Variants in PEX7 observed in about 807,000 individuals in gnomAD.
The protein encoded by PEX7 is PTS2 receptor.
In PEX7, 34 loss-of-function variants were observed where a neutral mutation model predicts 47.5. That is an observed-to-expected ratio of 0.72 (90% confidence interval 0.54 to 0.95). The LOEUF (loss-of-function observed/expected upper bound fraction) is 0.95. PEX7 is among the 40% of genes least tolerant of loss of function. PEX7 has a pLI of 0.00. For synonymous variants in PEX7, 141 were observed against 148.8 expected, an observed-to-expected ratio of 0.95 and a Z score of 0.38; for missense variants, 394 against 400.3, an observed-to-expected ratio of 0.98 and a Z score of 0.13.
intron 9 of PEX7, among the ~76,000 whole-genome samples, chr6:136,899,080 CTTTTTTTTTTT>C (rs71547049): frequency 3.6e-5 from 4 of 111,978 alleles, no homozygotes; most frequent in African/African-American, 1.3e-4. Context: ...TTTTTCTTTT[CTTTTTTTTTTT>C]TTTTTTTGAG....
intron 3 of PEX7, among the ~76,000 whole-genome samples, chr6:136,827,430 A>G (rs2115133815): frequency 6.6e-6 from 1 of 152,246 alleles, no homozygotes; most frequent in South Asian, 2.1e-4. Flanking sequence ...TTTTAGTTTC[A>G]GGATAATCAA....
chr6:136,859,066 C>A (rs538424930), intron 5 of PEX7, among the ~76,000 whole-genome samples: 1 of 152,172 alleles, frequency 6.6e-6, no homozygotes, highest in Admixed American at 6.5e-5. Flanking sequence ...TATCTTTCAA[C>A]AGATTACAAC....
intron 8 of PEX7, among the ~76,000 whole-genome samples, chr6:136,897,352 A>G (rs1775669738): frequency 6.6e-6 from 1 of 152,210 alleles, no homozygotes; most frequent in African/African-American, 2.4e-5. Context: ...GAATCAAATA[A>G]AAAAGATGAT....
intron 9 of PEX7, among the ~76,000 whole-genome samples, chr6:136,906,494 G>A (rs1420577148): frequency 6.6e-6 from 1 of 152,044 alleles, no homozygotes; most frequent in African/African-American, 2.4e-5. Flanking sequence ...ATGTGTGTGT[G>A]TGCATGTGTG....
Position 136,879,998 on chromosome 6 carries a change from C to T in PEX7, c.803+7745C>T, listed in dbSNP as rs1582766843. Among the ~76,000 whole-genome samples the T allele has an allele frequency of 5.3e-5, 8 of 152,092 alleles. 1 individual carries two copies. Among genetic ancestry groups the T allele is most frequent in the Admixed American group, 5.3e-4 (8 of 15,232 alleles). On this transcript the variant is annotated intron_variant, in intron 8 of 9. Coordinates refer to ENST00000318471, the MANE Select transcript of PEX7 (RefSeq NM_000288.4). Reference sequence around the variant, plus strand: ...GTTTCAGTTCTTCTGTTTTTGTCCACTTCTTTTCTTTGTTTTTGAGTTCCT... The same window carrying T: ...GTTTCAGTTCTTCTGTTTTTGTCCATTTCTTTTCTTTGTTTTTGAGTTCCT...
chr6:136,893,893 A>C (rs1238810695), intron 8 of PEX7, among the ~76,000 whole-genome samples: 1 of 152,268 alleles, frequency 6.6e-6, no homozygotes, highest in African/African-American at 2.4e-5. Flanking sequence ...ACTTTAAAAA[A>C]ATATTTTAAA....
chr6:136,894,943 C>T (rs981247586), intron 8 of PEX7, among the ~76,000 whole-genome samples: 1 of 152,168 alleles, frequency 6.6e-6, no homozygotes, highest in African/African-American at 2.4e-5. Flanking sequence ...AGTATGACTT[C>T]TTGCAGCAAA....
At chr6:136,861,173 C>T (rs1260937210) in intron 5 of PEX7, among the ~76,000 whole-genome samples, 1 of 152,124 alleles carries the variant, frequency 6.6e-6, no homozygotes, top group Non-Finnish European at 1.5e-5. Context: ...TAGCCTCTGC[C>T]TCCTAGGCTC....
rs121909154 is a variant in PEX7, at chr6:136,845,620, T to G, written c.345T>G (p.Tyr115Ter). The G allele has an allele frequency of 1.9e-5, 30 of 1,593,286 alleles. No individual in the cohort carries two copies. The highest frequency in any genetic ancestry group is 2.4e-5 in the Non-Finnish European group (28 of 1,161,132). The change falls in exon 4 of 10, where the codon TAT becomes TAG. Residue 115 changes from tyrosine (Y) to a stop codon, truncating the protein, a stop_gained. Coordinates refer to ENST00000318471, the MANE Select transcript of PEX7 (RefSeq NM_000288.4). LOFTEE classifies it high-confidence loss of function. ...QVYKEHAQEVYSVDWSQTRGE... is the reference protein window; with the variant it reads ...QVYKEHAQEV ...ACACTTTTCAATGTTTTTAGGTGTA[T>G]AGTGTTGATTGGAGCCAAACCAGAG...
chr6:136,859,395 G>A (rs934362262), intron 5 of PEX7, among the ~76,000 whole-genome samples: 2 of 151,934 alleles, frequency 1.3e-5, no homozygotes, highest in Admixed American at 1.3e-4. Context: ...TTAATATGAA[G>A]TAAATTATCT....
At chr6:136,880,070 T>G (rs1486332790) in intron 8 of PEX7, among the ~76,000 whole-genome samples, 1 of 152,198 alleles carries the variant, frequency 6.6e-6, no homozygotes, top group Non-Finnish European at 1.5e-5. Context: ...CCTAAATGCT[T>G]GCTTGAAGAT....
At chr6:136,846,607 C>G (rs4560664) in intron 5 of PEX7, among the ~76,000 whole-genome samples, 90,000 of 151,718 alleles carry the variant, frequency 0.59, 26,683 homozygotes, top group South Asian at 0.61. Flanking sequence ...GGTTTTCTGT[C>G]CTTGGAATAG....
intron 9 of PEX7, among the ~76,000 whole-genome samples, chr6:136,908,652 A>G (rs1241686112): frequency 6.6e-6 from 1 of 152,096 alleles, no homozygotes; most frequent in Non-Finnish European, 1.5e-5. Context: ...ATGCACACTC[A>G]TACTGTAAGG....
chr6:136,902,827 A>G (rs767222822), intron 9 of PEX7, among the ~76,000 whole-genome samples: 1 of 152,156 alleles, frequency 6.6e-6, no homozygotes, highest in Non-Finnish European at 1.5e-5. Flanking sequence ...GCTGGATACA[A>G]GTTTACATAT....
At chr6:136,864,003 C>T (rs1775012352) in intron 5 of PEX7, among the ~76,000 whole-genome samples, 1 of 152,158 alleles carries the variant, frequency 6.6e-6, no homozygotes, top group African/African-American at 2.4e-5. Flanking sequence ...GTAAAGTGTG[C>T]ATGCTGGGGA....
intron 1 of PEX7, among the ~76,000 whole-genome samples, chr6:136,823,591 TAAAAA>T (rs959876532): frequency 6.6e-6 from 1 of 151,816 alleles, no homozygotes; most frequent in African/African-American, 2.4e-5. Context: ...GACCCCGTCT[TAAAAA>T]GAAAAAAGGC....
intron 8 of PEX7, among the ~76,000 whole-genome samples, chr6:136,882,526 T>C (rs1310853218): frequency 6.7e-6 from 1 of 149,714 alleles, no homozygotes; most frequent in African/African-American, 2.4e-5. Flanking sequence ...CCCTGCACAT[T>C]CAGCAAAAGA....
At chr6:136,867,671 G>A (rs1346293570) in intron 6 of PEX7, among the ~76,000 whole-genome samples, 3 of 151,906 alleles carry the variant, frequency 2.0e-5, no homozygotes, top group Non-Finnish European at 2.9e-5. Flanking sequence ...CCAGCTACTC[G>A]GGAGGCTGAG....
At chr6:136,883,454 G>A (rs372578391) in intron 8 of PEX7, among the ~76,000 whole-genome samples, 1 of 152,038 alleles carries the variant, frequency 6.6e-6, no homozygotes, top group Non-Finnish European at 1.5e-5. Flanking sequence ...TTACACCGTC[G>A]ATCATACCTT....
Sources: allele counts gnomAD v4.1 joint callset (sites outside exome capture counted in the v4.1 genomes callset), GRCh38; gene constraint gnomAD v4.1.1; transcripts MANE v1.5; gene names NCBI Gene and HGNC (gene_info 2026-07-23, HGNC 2026-07-21).